RIN2: variants seen among roughly 807,000 people sequenced by gnomAD.
RIN2 encodes the protein Ras and Rab interactor 2, also known as RAB5 interacting protein 2.
RIN2 carries 36 observed loss-of-function variants against 78.0 expected under a neutral mutation model. The observed-to-expected ratio is 0.46, with a 90% confidence interval of 0.35 to 0.61. The LOEUF (loss-of-function observed/expected upper bound fraction) is 0.61. Among genes scored for constraint, RIN2 ranks in the 20% least tolerant of loss-of-function variants. The pLI, the probability that RIN2 is intolerant of heterozygous loss-of-function variation, is 0.00. For synonymous variants in RIN2, 466 were observed against 466.8 expected (o/e 1.00, Z 0.02); for missense variants, 1,087 against 1,159.7 (o/e 0.94, Z 0.91).
intron 2 of RIN2, among the ~76,000 whole-genome samples, chr20:19,861,462 C>G (rs955049923): frequency 6.6e-6 from 1 of 152,152 alleles, no homozygotes; most frequent in African/African-American, 2.4e-5. Flanking sequence ...AACAAAGAAC[C>G]CTGCTAAGTA....
intron 4 of RIN2, 35 bp from the exon 5 acceptor site, chr20:19,956,580 C>T: frequency 6.3e-7 from 1 of 1,597,088 alleles, no homozygotes; most frequent in East Asian, 2.3e-5. Flanking sequence ...AATGGTACTG[C>T]AGCCAGCTGA....
intron 2 of RIN2, among the ~76,000 whole-genome samples, chr20:19,880,123 C>A (rs2037975631): frequency 6.6e-6 from 1 of 151,790 alleles, no homozygotes; most frequent in Non-Finnish European, 1.5e-5. Flanking sequence ...GTGGTGCACA[C>A]CTGTGATCTC....
chr20:19,862,642 T>C (rs1303187896), intron 2 of RIN2, among the ~76,000 whole-genome samples: 3 of 152,152 alleles, frequency 2.0e-5, no homozygotes, highest in African/African-American at 7.2e-5. Context: ...AGAGTTGAAC[T>C]CAATCTCTCT....
intron 7 of RIN2, among the ~76,000 whole-genome samples, chr20:19,968,548 A>C (rs938581354): frequency 2.0e-5 from 3 of 152,160 alleles, no homozygotes; most frequent in Admixed American, 2.0e-4. Context: ...CGATGCATAT[A>C]CAACATCTAA....
At chr20:19,979,848 G>A (rs2042389547) in intron 9 of RIN2, among the ~76,000 whole-genome samples, 1 of 151,832 alleles carries the variant, frequency 6.6e-6, no homozygotes, top group South Asian at 2.1e-4. Context: ...TTTGAGACCA[G>A]CCTGGCCAAC....
chr20:19,818,918 G>A (rs2035850550), intron 2 of RIN2, among the ~76,000 whole-genome samples: 1 of 152,206 alleles, frequency 6.6e-6, no homozygotes, highest in African/African-American at 2.4e-5. Flanking sequence ...AAAGGGATGA[G>A]GTGGATATAT....
intron 6 of RIN2, among the ~76,000 whole-genome samples, chr20:19,962,138 CA>C (rs112843574): frequency 0.23 from 30,106 of 129,568 alleles, 3,416 homozygotes; most frequent in East Asian, 0.53. Context: ...CCATCTCCAC[CA>C]AAAAAAAAAA....
At chr20:19,877,825 A>C (rs2037902428) in intron 2 of RIN2, among the ~76,000 whole-genome samples, 1 of 151,956 alleles carries the variant, frequency 6.6e-6, no homozygotes, top group Admixed American at 6.6e-5. Context: ...TCAAGACTAG[A>C]CTGGACAACT....
At chr20:19,805,482 A>G (rs900460800) in intron 2 of RIN2, among the ~76,000 whole-genome samples, 1 of 151,990 alleles carries the variant, frequency 6.6e-6, no homozygotes, top group South Asian at 2.1e-4. Flanking sequence ...GCTCACTGCA[A>G]CCTCCACCTC....
intron 1 of RIN2, among the ~76,000 whole-genome samples, chr20:19,762,022 C>T (rs1351722576): frequency 6.6e-6 from 1 of 152,190 alleles, no homozygotes; most frequent in Non-Finnish European, 1.5e-5. Flanking sequence ...TCTGTTCTCT[C>T]ATTCCTCTCT....
At chr20:19,853,072 C>T (rs2037042612) in intron 2 of RIN2, among the ~76,000 whole-genome samples, 3 of 145,906 alleles carry the variant, frequency 2.1e-5, no homozygotes, top group South Asian at 4.5e-4. Flanking sequence ...GTGATGTTCC[C>T]CTTCCTGTGT....
chr20:19,895,189 T>A (rs1015735097), intron 3 of RIN2, among the ~76,000 whole-genome samples: 1 of 152,174 alleles, frequency 6.6e-6, no homozygotes, highest in Admixed American at 6.5e-5. Flanking sequence ...GTGGGAGAAA[T>A]GTTATGTATG....
At chr20:19,890,163 C>T (rs2038382914) in intron 3 of RIN2, among the ~76,000 whole-genome samples, 1 of 152,168 alleles carries the variant, frequency 6.6e-6, no homozygotes, top group South Asian at 2.1e-4. Context: ...CCAAAGGCTT[C>T]TTATGATAAT....
chr20:19,990,409 CT>C (rs1209100919), intron 10 of RIN2, 98 bp downstream of exon 10: 1 of 1,188,890 alleles, frequency 8.4e-7, no homozygotes, highest in Admixed American at 2.8e-5. Flanking sequence ...TTTCTCCTCC[CT>C]TTGGTCTCTT....
chr20:19,886,174 CTG>C (rs1247978198), intron 2 of RIN2, among the ~76,000 whole-genome samples: 1 of 152,250 alleles, frequency 6.6e-6, no homozygotes, highest in East Asian at 1.9e-4. Flanking sequence ...ATCGGGGACT[CTG>C]TGTTTCAACC....
chr20:19,962,882 G>A (rs1439371422), intron 6 of RIN2, among the ~76,000 whole-genome samples: 8 of 152,150 alleles, frequency 5.3e-5, no homozygotes, highest in South Asian at 2.1e-4. Context: ...GCTTGAACCC[G>A]GGAGGTGGAG....
intron 2 of RIN2, among the ~76,000 whole-genome samples, chr20:19,848,534 CAAAAA>C (rs11352724): frequency 3.8e-5 from 2 of 52,838 alleles, no homozygotes; most frequent in South Asian, 6.6e-4. Context: ...GACTCCATCT[CAAAAA>C]AAAAAAAAAA....
chr20:19,826,100 A>AT (rs2036081583), intron 2 of RIN2, among the ~76,000 whole-genome samples: 2 of 128,760 alleles, frequency 1.6e-5, no homozygotes, highest in South Asian at 4.9e-4. Context: ...TATGGTTAAT[A>AT]TTTTTAACAA....
At chr20:19,842,935 TA>T (rs2036628826) in intron 2 of RIN2, among the ~76,000 whole-genome samples, 1 of 151,958 alleles carries the variant, frequency 6.6e-6, no homozygotes, top group South Asian at 2.1e-4. Context: ...AATATCAGTA[TA>T]AATTGGAGTT....
Sources: gnomAD v4.1 joint callset for allele counts (sites outside exome capture counted in the v4.1 genomes callset) on GRCh38, gnomAD v4.1.1 for gene constraint, MANE v1.5 for transcripts, NCBI Gene and HGNC (gene_info 2026-07-23, HGNC 2026-07-21) for gene names.